CAV1: variants seen among roughly 807,000 people sequenced by gnomAD.
CAV1 encodes the protein caveolin 1.
In CAV1, 10 loss-of-function variants were observed where a neutral mutation model predicts 16.5. The observed-to-expected ratio is 0.61, with a 90% CI of 0.37 to 1.03. The LOEUF (loss-of-function observed/expected upper bound fraction) is 1.03, where lower values mean the gene tolerates loss of function less well. Ranked by LOEUF, CAV1 falls within the 50% of genes least tolerant of loss-of-function variation. CAV1 has a pLI of 0.01. For synonymous variants in CAV1, 76 were observed against 85.1 expected (o/e 0.89, Z 0.59); for missense variants, 212 against 232.8 (o/e 0.91, Z 0.58).
intron 2 of CAV1, among the ~76,000 whole-genome samples, chr7:116,557,900 C>G (rs890780128): frequency 1.3e-5 from 2 of 152,150 alleles, no homozygotes; most frequent in East Asian, 3.9e-4. Flanking sequence ...TCCATAGACC[C>G]CACTGTCTGT....
At chr7:116,550,254 C>T (rs1794131098) in intron 2 of CAV1, among the ~76,000 whole-genome samples, 1 of 152,110 alleles carries the variant, frequency 6.6e-6, no homozygotes, top group South Asian at 2.1e-4. Context: ...TTGCCCTCTT[C>T]CATCTTGAAA....
intron 2 of CAV1, among the ~76,000 whole-genome samples, chr7:116,555,933 G>A (rs1358058782): frequency 2.0e-5 from 3 of 152,020 alleles, no homozygotes; most frequent in Non-Finnish European, 4.4e-5. Context: ...TGTACTTTTA[G>A]TTTTCTTTAA....
chr7:116,546,309 C>G lies in CAV1; in HGVS notation c.196-12637C>G, dbSNP rs544597858. 2.6e-5 allele frequency among the ~76,000 whole-genome samples: 4 copies of G among 152,228 alleles called. No individual in the cohort carries two copies. In the East Asian group the frequency reaches 7.7e-4, roughly 29 times the overall value. ...ATGAACACGTGAGGCCATGTGGACG[C>G]GAGAGATGGCTCCGGGTTCCCTCAG... On this transcript the variant is annotated intron_variant, in intron 2 of 2. Transcript: ENST00000341049.
chr7:116,547,201 T>A (rs1007548428), intron 2 of CAV1, among the ~76,000 whole-genome samples: 3 of 152,172 alleles, frequency 2.0e-5, no homozygotes, highest in Non-Finnish European at 2.9e-5. Flanking sequence ...ATTCTGAGTG[T>A]CTGGGGATTA....
chr7:116,529,705 A>T (rs1427907100), intron 2 of CAV1, among the ~76,000 whole-genome samples: 2 of 152,250 alleles, frequency 1.3e-5, no homozygotes, highest in African/African-American at 4.8e-5. Flanking sequence ...AATGACACAC[A>T]TTATAGTATA....
chr7:116,558,978 A>C lies in CAV1; in HGVS notation c.228A>C (p.Glu76Asp), dbSNP rs747078050. Residue 76 changes from glutamate to aspartate, a missense_variant, in exon 3 of 3, where the codon GAA becomes GAC. Physicochemically the swap from Glu to Asp is conservative, Grantham distance 45. Transcript: ENST00000341049. ...IDFEDVIAEP[E>D]GTHSFDGIWK... Reference sequence around the variant, plus strand: ...TTGAAGATGTGATTGCAGAACCAGAAGGGACACACAGTTTTGACGGCATTT... The same window carrying C: ...TTGAAGATGTGATTGCAGAACCAGACGGGACACACAGTTTTGACGGCATTT... The C allele has an allele frequency of 6.2e-7, 1 of 1,613,800 alleles. No individual in the cohort carries two copies. Among genetic ancestry groups the C allele is most frequent in the Admixed American group, 1.7e-5 (1 of 59,960 alleles).
chr7:116,534,395 A>ATATATATATATATTTTTTT (rs1442237865), intron 2 of CAV1, among the ~76,000 whole-genome samples: 1 of 7,840 alleles, frequency 1.3e-4, no homozygotes, highest in Non-Finnish European at 2.6e-4. Context: ...ATATATATAT[A>ATATATATATATATTTTTTT]TTTTTTTTTT....
chr7:116,531,951 T>C (rs1584769980), intron 2 of CAV1, among the ~76,000 whole-genome samples: 2 of 152,244 alleles, frequency 1.3e-5, no homozygotes, highest in East Asian at 3.8e-4. Context: ...TGGCAGCTAT[T>C]ATTCATTCTT....
At chr7:116,556,246 T>C (rs1794291886) in intron 2 of CAV1, among the ~76,000 whole-genome samples, 1 of 152,228 alleles carries the variant, frequency 6.6e-6, no homozygotes, top group Non-Finnish European at 1.5e-5. Context: ...TACACACTCA[T>C]GTTTTTAAAT....
chr7:116,547,079 C>T (rs1428048710), intron 2 of CAV1, among the ~76,000 whole-genome samples: 2 of 152,132 alleles, frequency 1.3e-5, no homozygotes, highest in Non-Finnish European at 2.9e-5. Flanking sequence ...TTTCATATGA[C>T]CATCTTCATA....
chr7:116,531,232 T>C (rs1032699325), intron 2 of CAV1, among the ~76,000 whole-genome samples: 5 of 152,258 alleles, frequency 3.3e-5, no homozygotes, highest in Non-Finnish European at 7.3e-5. Context: ...CACCATGGAC[T>C]ATTGTCATGA....
intron 2 of CAV1, among the ~76,000 whole-genome samples, chr7:116,544,187 C>G (rs1413640376): frequency 6.6e-6 from 1 of 152,128 alleles, no homozygotes; most frequent in Non-Finnish European, 1.5e-5. Flanking sequence ...TTTTGTTCAC[C>G]TTTTTGCCAA....
chr7:116,559,589 G>C lies in CAV1; in HGVS notation c.*302G>C. ...TGAACATATTGTTGAAAGGTAATTT[G>C]AGAGAAATATGAAGAACTGAGGAGG... On this transcript the variant is annotated 3_prime_UTR_variant, in exon 3 of 3. Coordinates refer to ENST00000341049, the MANE Select transcript of CAV1 (RefSeq NM_001753.5). 1 of 479,486 alleles carries C rather than the reference G, an allele frequency of 2.1e-6. No individual in the cohort carries two copies. 29.7% of individuals were successfully genotyped at this position (479,486 alleles called of 1,614,324 possible). A position where few individuals can be genotyped will look rare whatever the true frequency, so the allele number is the denominator to read the frequency against.
chr7:116,543,477 A>G (rs939950568), intron 2 of CAV1, among the ~76,000 whole-genome samples: 5 of 152,200 alleles, frequency 3.3e-5, no homozygotes, highest in Non-Finnish European at 5.9e-5. Flanking sequence ...GTTGGAGTTC[A>G]TTTCCCATTC....
chr7:116,541,967 C>T (rs2116019043), intron 2 of CAV1, among the ~76,000 whole-genome samples: 1 of 152,272 alleles, frequency 6.6e-6, no homozygotes, highest in East Asian at 1.9e-4. Flanking sequence ...CATAATTAAA[C>T]ATAGACATAC....
chr7:116,551,704 C>A (rs1179256922), intron 2 of CAV1: 5 of 152,036 alleles, frequency 3.3e-5, no homozygotes, highest in Admixed American at 3.3e-4. Flanking sequence ...TCCACAGTTT[C>A]TGTGTGTTAG....
At chr7:116,558,840 G>T in intron 2 of CAV1, 106 bp from the exon 3 acceptor site, 2 of 834,284 alleles carry the variant, frequency 2.4e-6, no homozygotes, top group South Asian at 2.9e-5. Context: ...CACAAAGAAC[G>T]AACTCATAAA....
intron 2 of CAV1, among the ~76,000 whole-genome samples, chr7:116,539,661 CTTTTT>C (rs947612616): frequency 6.6e-6 from 1 of 151,410 alleles, no homozygotes; most frequent in East Asian, 1.9e-4. Flanking sequence ...GTTATTTAGA[CTTTTT>C]TTTTAAGTCT....
At chr7:116,534,379 ATATATATATATATATAT>A (rs1320709098) in intron 2 of CAV1, among the ~76,000 whole-genome samples, 3 of 55,180 alleles carry the variant, frequency 5.4e-5, no homozygotes, top group Admixed American at 2.3e-4. Flanking sequence ...ATATATATAT[ATATATATATATATATAT>A]TTTTTTTTTT....
Sources: gnomAD v4.1 joint callset for allele counts (sites outside exome capture counted in the v4.1 genomes callset) on GRCh38, gnomAD v4.1.1 for gene constraint, MANE v1.5 for transcripts, NCBI Gene and HGNC (gene_info 2026-07-23, HGNC 2026-07-21) for gene names.